Variants in SLC44A5 observed in about 807,000 individuals in gnomAD.
SLC44A5 encodes the protein solute carrier family 44 member 5.
In SLC44A5, 57 loss-of-function variants were observed where a neutral mutation model predicts 101.8. The ratio of observed to expected loss-of-function variants is 0.56; its 90% CI spans 0.45 to 0.70. SLC44A5 has a LOEUF of 0.70. Among genes scored for constraint, SLC44A5 ranks in the 30% least tolerant of loss-of-function variants. SLC44A5 has a pLI of 0.00. For synonymous variants in SLC44A5, 281 were observed against 290.9 expected (o/e 0.97, Z 0.35); for missense variants, 737 against 853.1 (o/e 0.86, Z 1.70).
intron 5 of SLC44A5, among the ~76,000 whole-genome samples, chr1:75,288,528 C>T (rs1653257101): frequency 1.3e-5 from 2 of 152,120 alleles, no homozygotes; most frequent in African/African-American, 4.8e-5. Flanking sequence ...GAGATGAATA[C>T]ATCTCATATT....
At chr1:75,338,157 G>A (rs1376770003) in intron 4 of SLC44A5, among the ~76,000 whole-genome samples, 1 of 152,174 alleles carries the variant, frequency 6.6e-6, no homozygotes, top group Non-Finnish European at 1.5e-5. Flanking sequence ...CCCACAGAAT[G>A]ACCAGCTCAC....
At chr1:75,222,649 A>G (rs1647112041) in intron 13 of SLC44A5, among the ~76,000 whole-genome samples, 189 bp from the exon 14 acceptor site, 1 of 152,236 alleles carries the variant, frequency 6.6e-6, no homozygotes, top group Admixed American at 6.5e-5. Context: ...AGAAATCTAG[A>G]TTAAAGCCTT....
intron 2 of SLC44A5, among the ~76,000 whole-genome samples, chr1:75,408,495 A>C (rs952919229): frequency 1.3e-5 from 2 of 152,226 alleles, no homozygotes; most frequent in Non-Finnish European, 2.9e-5. Flanking sequence ...TAGATAAAGA[A>C]AATGTGGCAC....
chr1:75,375,048 A>C (rs1168023965), intron 3 of SLC44A5, among the ~76,000 whole-genome samples: 2 of 152,234 alleles, frequency 1.3e-5, no homozygotes, highest in Non-Finnish European at 2.9e-5. Flanking sequence ...AATTCAGAAT[A>C]TGGATGGCCA....
chr1:75,215,636 A>G, intron 19 of SLC44A5, 118 bp downstream of exon 19: 1 of 623,506 alleles, frequency 1.6e-6, no homozygotes, highest in Non-Finnish European at 2.9e-6. Flanking sequence ...CAGGCCTTAT[A>G]TCAGCATAGT....
intron 3 of SLC44A5, among the ~76,000 whole-genome samples, chr1:75,392,774 T>C (rs1347067926): frequency 6.6e-6 from 1 of 152,220 alleles, no homozygotes; most frequent in East Asian, 1.9e-4. Flanking sequence ...AACAGTGGAA[T>C]GGATAAAGAA....
intron 17 of SLC44A5, among the ~76,000 whole-genome samples, 199 bp from the exon 18 acceptor site, chr1:75,218,159 T>C (rs1234242895): frequency 6.6e-6 from 1 of 152,104 alleles, no homozygotes; most frequent in African/African-American, 2.4e-5. Flanking sequence ...TTTATCAGCA[T>C]AAATGACACC....
At chr1:75,465,935 A>G (rs1374695632) in intron 2 of SLC44A5, among the ~76,000 whole-genome samples, 4 of 152,218 alleles carry the variant, frequency 2.6e-5, no homozygotes, top group Non-Finnish European at 5.9e-5. Context: ...TCACTGCTGA[A>G]TTCTACAAAC....
chr1:75,621,909 A>G, the SLC44A5 span, among the ~76,000 whole-genome samples: 1 of 152,144 alleles, frequency 6.6e-6, no homozygotes, highest in Admixed American at 6.5e-5. Flanking sequence ...TTAACATATG[A>G]AGGGGCGGAG....
At chr1:75,291,306 ATTCATTGTACAAATAATTTCTTCG>A (rs1653522984) in intron 5 of SLC44A5, among the ~76,000 whole-genome samples, 1 of 152,110 alleles carries the variant, frequency 6.6e-6, no homozygotes, top group Non-Finnish European at 1.5e-5. Context: ...TTTTTCCTTC[ATTCATTGTACAAATAATTTCTTCG>A]TTCATTCTAC....
chr1:75,486,730 T>C (rs551550209), intron 2 of SLC44A5, among the ~76,000 whole-genome samples: 3 of 152,238 alleles, frequency 2.0e-5, no homozygotes, highest in Non-Finnish European at 4.4e-5. Flanking sequence ...AGCTCTAAAA[T>C]GATCTTCTTT....
chr1:75,302,187 T>C (rs868700652), intron 4 of SLC44A5, among the ~76,000 whole-genome samples: 1 of 139,266 alleles, frequency 7.2e-6, no homozygotes, highest in Non-Finnish European at 1.5e-5. Flanking sequence ...GCAGGGTATC[T>C]GTTTCACCTG....
intron 4 of SLC44A5, among the ~76,000 whole-genome samples, chr1:75,329,240 C>A (rs1707184): frequency 0.093 from 14,221 of 152,146 alleles, 2,277 homozygotes; most frequent in African/African-American, 0.33. Flanking sequence ...CTTCCTCCCT[C>A]TTGCTTCCTT....
intron 2 of SLC44A5, among the ~76,000 whole-genome samples, chr1:75,507,844 C>T (rs1669355026): frequency 6.6e-6 from 1 of 152,036 alleles, no homozygotes; most frequent in Non-Finnish European, 1.5e-5. Flanking sequence ...GAATAGAGTA[C>T]CCACTCAACA....
At chr1:75,359,960 A>G (rs1241961763) in intron 3 of SLC44A5, among the ~76,000 whole-genome samples, 4 of 152,134 alleles carry the variant, frequency 2.6e-5, no homozygotes, top group Non-Finnish European at 5.9e-5. Flanking sequence ...TCATTTATAT[A>G]TCTTTTTTTG....
intron 2 of SLC44A5, among the ~76,000 whole-genome samples, chr1:75,525,404 T>C (rs1259331722): frequency 6.6e-6 from 1 of 152,200 alleles, no homozygotes; most frequent in African/African-American, 2.4e-5. Context: ...ATTAAGCCAT[T>C]AGACCCATTT....
chr1:75,446,230 A>C (rs1264108539), intron 2 of SLC44A5, among the ~76,000 whole-genome samples: 1 of 152,160 alleles, frequency 6.6e-6, no homozygotes, highest in Non-Finnish European at 1.5e-5. Flanking sequence ...TTTTGTACAA[A>C]GTCCAGTCTT....
chr1:75,444,364 GGGA>G (rs1665388818), intron 2 of SLC44A5, among the ~76,000 whole-genome samples: 1 of 143,868 alleles, frequency 7.0e-6, no homozygotes, highest in Non-Finnish European at 1.5e-5. Flanking sequence ...AAGGGAGGGA[GGGA>G]GGGAGGAAAG....
chr1:75,360,380 G>A (rs1244005323), intron 3 of SLC44A5, among the ~76,000 whole-genome samples: 1 of 152,012 alleles, frequency 6.6e-6, no homozygotes, highest in Non-Finnish European at 1.5e-5. Flanking sequence ...TTGTTGTCCA[G>A]GCTGGTTTTG....
Sources: allele counts gnomAD v4.1 joint callset (sites outside exome capture counted in the v4.1 genomes callset), GRCh38; gene constraint gnomAD v4.1.1; transcripts MANE v1.5; gene names NCBI Gene and HGNC (gene_info 2026-07-23, HGNC 2026-07-21).